SNTG1: variants seen among roughly 807,000 people sequenced by gnomAD.
The protein encoded by SNTG1 is syntrophin gamma 1, also known as gamma-1-syntrophin.
A neutral mutation model predicts 74.7 loss-of-function variants in SNTG1; 39 were observed. That is an observed-to-expected ratio of 0.52 (90% CI 0.40 to 0.68). The LOEUF (loss-of-function observed/expected upper bound fraction) is 0.68. Among genes scored for constraint, SNTG1 ranks in the 30% least tolerant of loss-of-function variants. SNTG1 has a pLI of 0.00. For synonymous variants in SNTG1, 254 were observed against 217.1 expected, an observed-to-expected ratio of 1.17 and a Z score of -1.49; for missense variants, 685 against 609.5, an observed-to-expected ratio of 1.12 and a Z score of -1.30.
intron 8 of SNTG1, among the ~76,000 whole-genome samples, chr8:50,484,099 T>TC (rs1209012205): frequency 2.3e-4 from 25 of 106,558 alleles, no homozygotes; most frequent in Non-Finnish European, 4.8e-4. Context: ...TCTCTTTCTT[T>TC]CTCTCTTTCT....
At chr8:50,214,584 C>G (rs912188129) in intron 2 of SNTG1, among the ~76,000 whole-genome samples, 2 of 151,980 alleles carry the variant, frequency 1.3e-5, no homozygotes, top group Non-Finnish European at 2.9e-5. Flanking sequence ...AAATTGGGGT[C>G]AAGAAAATAC....
intron 13 of SNTG1, among the ~76,000 whole-genome samples, chr8:50,619,326 A>G (rs1262881571): frequency 2.0e-5 from 3 of 152,164 alleles, no homozygotes; most frequent in Admixed American, 1.3e-4. Context: ...TGGAGTACCT[A>G]TATATGCTTA....
At chr8:50,199,339 C>A (rs1270092689) in intron 2 of SNTG1, among the ~76,000 whole-genome samples, 1 of 151,568 alleles carries the variant, frequency 6.6e-6, no homozygotes, top group Non-Finnish European at 1.5e-5. Context: ...TGCCTCAGCC[C>A]CCCAAGTAGC....
At chr8:50,320,166 TTA>T (rs1378441531) in intron 2 of SNTG1, among the ~76,000 whole-genome samples, 1 of 152,188 alleles carries the variant, frequency 6.6e-6, no homozygotes, top group Non-Finnish European at 1.5e-5. Context: ...GGGAGACTTT[TTA>T]TTAAGGCTTC....
chr8:50,609,594 A>G (rs1388209908), intron 13 of SNTG1, among the ~76,000 whole-genome samples: 4 of 151,970 alleles, frequency 2.6e-5, no homozygotes, highest in Non-Finnish European at 5.9e-5. Flanking sequence ...AAAGTTGTCA[A>G]TTATTTCTTT....
intron 17 of SNTG1, chr8:50,709,247 C>T (rs987254721): frequency 7.5e-6 from 3 of 401,224 alleles, no homozygotes; most frequent in East Asian, 3.5e-5. Flanking sequence ...CAATCATTTC[C>T]CTGTTTTTTA....
chr8:50,126,516 T>C (rs1482345832), intron 1 of SNTG1, among the ~76,000 whole-genome samples: 2 of 152,044 alleles, frequency 1.3e-5, no homozygotes, highest in African/African-American at 2.4e-5. Context: ...AAAAAAGATA[T>C]GCATAAACTT....
At chr8:50,421,052 A>G (rs11781133) in intron 4 of SNTG1, among the ~76,000 whole-genome samples, 9,383 of 16,748 alleles carry the variant, frequency 0.56, 2,649 homozygotes, top group Middle Eastern at 0.69. Context: ...TGGGCGGGGG[A>G]GGGGGGGGCG....
intron 13 of SNTG1, among the ~76,000 whole-genome samples, chr8:50,632,756 C>T (rs1444111662): frequency 6.6e-6 from 1 of 152,146 alleles, no homozygotes; most frequent in Non-Finnish European, 1.5e-5. Context: ...CTTTCCCAAA[C>T]CAAAATTCTG....
chr8:50,006,206 C>T (rs55760013), intron 1 of SNTG1, among the ~76,000 whole-genome samples: 16,775 of 151,960 alleles, frequency 0.11, 1,115 homozygotes, highest in South Asian at 0.21. Context: ...TGTGATCCAC[C>T]GGCCTCAGCC....
At chr8:50,435,627 A>C (rs908857664) in intron 4 of SNTG1, among the ~76,000 whole-genome samples, 44 of 152,116 alleles carry the variant, frequency 2.9e-4, no homozygotes, top group African/African-American at 1.0e-3. Context: ...TGCAGTGACC[A>C]ATGTGCAATC....
intron 4 of SNTG1, among the ~76,000 whole-genome samples, chr8:50,421,040 G>T (rs1317056174): frequency 2.0e-5 from 2 of 100,622 alleles, no homozygotes; most frequent in African/African-American, 6.7e-5. Context: ...AAAAAAAGGC[G>T]GTGGGCGGGG....
chr8:50,107,552 G>C (rs907367728), intron 1 of SNTG1, among the ~76,000 whole-genome samples: 6 of 148,172 alleles, frequency 4.0e-5, no homozygotes, highest in African/African-American at 1.5e-4. Flanking sequence ...GCGGAATCAA[G>C]GTTTTTTGTT....
chr8:50,528,442 T>C (rs1222920731), intron 9 of SNTG1, among the ~76,000 whole-genome samples: 2 of 152,010 alleles, frequency 1.3e-5, no homozygotes, highest in Non-Finnish European at 2.9e-5. Flanking sequence ...CCTTTTGATA[T>C]GGTAAATGTT....
chr8:50,480,598 C>G (rs536820829), intron 8 of SNTG1, among the ~76,000 whole-genome samples: 1 of 152,038 alleles, frequency 6.6e-6, no homozygotes, highest in African/African-American at 2.4e-5. Context: ...TGTCTTTTGG[C>G]GTGAAAATGT....
chr8:50,723,173 G>C (rs1360844421), intron 17 of SNTG1, among the ~76,000 whole-genome samples: 1 of 152,164 alleles, frequency 6.6e-6, no homozygotes, highest in Non-Finnish European at 1.5e-5. Context: ...TCCATGGAAA[G>C]ACATGGGAAA....
At chr8:50,049,235 C>G (rs981837718) in intron 1 of SNTG1, among the ~76,000 whole-genome samples, 1 of 151,918 alleles carries the variant, frequency 6.6e-6, no homozygotes, top group African/African-American at 2.4e-5. Flanking sequence ...ACAGAATGCG[C>G]AAGGAAACAA....
At chr8:50,756,678 G>A (rs2095581399) in intron 18 of SNTG1, among the ~76,000 whole-genome samples, 1 of 151,702 alleles carries the variant, frequency 6.6e-6, no homozygotes, top group Non-Finnish European at 1.5e-5. Context: ...TAGCTTTAGA[G>A]TATGTCTTGA....
At chr8:49,938,603 T>TTTTTTCTTTCTTTCTTTCTTTC in intron 1 of SNTG1, among the ~76,000 whole-genome samples, 1 of 74,754 alleles carries the variant, frequency 1.3e-5, no homozygotes, top group African/African-American at 4.5e-5. Context: ...TTTTCTTTTC[T>TTTTTTCTTTCTTTCTTTCTTTC]TTTCTTTCTT....
Sources: gnomAD v4.1 joint callset for allele counts (sites outside exome capture counted in the v4.1 genomes callset) on GRCh38, gnomAD v4.1.1 for gene constraint, MANE v1.5 for transcripts, NCBI Gene and HGNC (gene_info 2026-07-23, HGNC 2026-07-21) for gene names.